MTUS1: variants seen among roughly 807,000 people sequenced by gnomAD.
The protein encoded by MTUS1 is microtubule-associated tumor suppressor 1.
In MTUS1, 109 loss-of-function variants were observed where a neutral mutation model predicts 120.8. That is an observed-to-expected ratio of 0.90 (90% CI 0.77 to 1.06). The LOEUF is 1.06. MTUS1 is among the 50% of genes least tolerant of loss of function. The pLI is 0.00. For missense variants in MTUS1, 2,210 were observed against 1,486.3 expected (o/e 1.49, Z -8.01); for synonymous variants, 737 against 550.5 (o/e 1.34, Z -4.74).
chr8:17,791,483 C>G (rs1482563848), intron 1 of MTUS1, among the ~76,000 whole-genome samples: 1 of 152,164 alleles, frequency 6.6e-6, no homozygotes, highest in Non-Finnish European at 1.5e-5. Context: ...AAGATTAGTT[C>G]AAAGTGATGA....
In MTUS1 at chr8:17,684,435, T is replaced by G. The variant is rs185762413; in HGVS notation, c.2731A>C (p.Lys911Gln). Reference sequence around the variant, plus strand: ...ATAAATCCACTTTGGTTTTCACATTTTGTTTTATATTGCGTCAATTCAAGT... The same window carrying G: ...ATAAATCCACTTTGGTTTTCACATTGTGTTTTATATTGCGTCAATTCAAGT... ...KTLELTQYKT[K>Q]CENQSGFILQ... Residue 911 changes from lysine to glutamine, a missense_variant, in exon 7 of 15, where the codon AAA becomes CAA. Physicochemically the swap from Lys to Gln is moderately conservative, Grantham distance 53. Coordinates refer to ENST00000693296, the MANE Select transcript of MTUS1 (RefSeq NM_001363059.2). 295 of 1,614,200 alleles carry G rather than the reference T, an allele frequency of 1.8e-4. No homozygotes were observed. The African/African-American group carries it at 3.6e-3, about 20-fold the overall frequency.
intron 8 of MTUS1, among the ~76,000 whole-genome samples, chr8:17,662,976 A>G (rs1020937312): frequency 6.6e-6 from 1 of 152,112 alleles, no homozygotes; most frequent in Non-Finnish European, 1.5e-5. Context: ...AGAAGTCAGT[A>G]TTTTCACTCT....
At chr8:17,697,806 TAAC>T (rs1818279095) in intron 6 of MTUS1, 1 of 817,672 alleles carries the variant, frequency 1.2e-6, no homozygotes. Flanking sequence ...TAGGGGAAAT[TAAC>T]TACTTCAAGT....
Position 17,789,405 on chromosome 8 carries a change from G to A in MTUS1, c.-155+11656C>T, listed in dbSNP as rs76375728. On this transcript the variant is annotated intron_variant, in intron 1 of 14. Transcript: ENST00000693296. ...AGGTAGCTCAGACTGTTTGAGGGAC[G>A]TGGGGGTAGATCGCGTGGGCAGGGC... Among the ~76,000 whole-genome samples, 446 of 152,268 alleles carry A rather than the reference G, an allele frequency of 2.9e-3. 2 individuals are homozygous for A. The highest frequency in any genetic ancestry group is 0.01 in the African/African-American group (423 of 41,548).
chr8:17,654,484 G>A (rs1355808435), intron 10 of MTUS1, 77 bp downstream of exon 10: 2 of 1,044,078 alleles, frequency 1.9e-6, no homozygotes, highest in Non-Finnish European at 2.9e-6. Context: ...AGGAAGTTAT[G>A]AATCATTTCC....
chr8:17,733,172 G>A (rs779988806), intron 3 of MTUS1, among the ~76,000 whole-genome samples: 8 of 152,124 alleles, frequency 5.3e-5, no homozygotes, highest in Non-Finnish European at 8.8e-5. Flanking sequence ...ACAACATGGT[G>A]AAACCCTGTC....
intron 6 of MTUS1, 99 bp downstream of exon 6, chr8:17,713,115 A>C: frequency 2.0e-6 from 2 of 975,784 alleles, no homozygotes; most frequent in South Asian, 2.9e-5. Flanking sequence ...TGGAAATTCT[A>C]CTTATAAGCA....
At chr8:17,690,395 C>T (rs1816716630) in intron 6 of MTUS1, among the ~76,000 whole-genome samples, 1 of 152,092 alleles carries the variant, frequency 6.6e-6, no homozygotes, top group South Asian at 2.1e-4. Context: ...CAGATGTTGG[C>T]AAAGATGTGG....
chr8:17,741,823 G>T (rs2047339493), intron 3 of MTUS1, among the ~76,000 whole-genome samples: 1 of 152,124 alleles, frequency 6.6e-6, no homozygotes, highest in Admixed American at 6.6e-5. Flanking sequence ...TCCCTAGAAA[G>T]GTAAGGGCTG....
chr8:17,712,209 G>A (rs553436402), intron 6 of MTUS1, among the ~76,000 whole-genome samples: 16 of 152,260 alleles, frequency 1.1e-4, no homozygotes, highest in African/African-American at 2.2e-4. Context: ...TTGTACCTTC[G>A]TTTCTTCTGA....
intron 3 of MTUS1, among the ~76,000 whole-genome samples, chr8:17,728,278 A>AT (rs1163103917): frequency 3.9e-5 from 6 of 151,994 alleles, no homozygotes; most frequent in Non-Finnish European, 8.8e-5. Context: ...CACCCGGCTA[A>AT]TTTTTTTGTA....
intron 3 of MTUS1, among the ~76,000 whole-genome samples, chr8:17,725,545 G>C (rs904558836): frequency 6.6e-6 from 1 of 152,078 alleles, no homozygotes; most frequent in African/African-American, 2.4e-5. Flanking sequence ...TCCACCCTTT[G>C]AATCCTTATT....
In MTUS1 at chr8:17,721,973, T is replaced by C. The variant is rs2045880285; in HGVS notation, c.2449+1699A>G. 5 of 1,461,684 alleles carry C rather than the reference T, an allele frequency of 3.4e-6. No homozygotes were observed. The East Asian group carries it at 9.5e-5, about 28-fold the overall frequency. 90.5% of individuals were successfully genotyped at this position (1,461,684 alleles called of 1,614,324 possible). ...TCACTCTCATATCCCTCATGCTTGCTCTTAGTGAATTCGAATGGAGGGAAA... is the reference window on the plus strand; with the variant it reads ...TCACTCTCATATCCCTCATGCTTGCCCTTAGTGAATTCGAATGGAGGGAAA... On this transcript the variant is annotated intron_variant, in intron 4 of 14. Coordinates refer to ENST00000693296, the MANE Select transcript of MTUS1 (RefSeq NM_001363059.2).
intron 4 of MTUS1, chr8:17,723,364 CT>C (rs1441162192): frequency 5.2e-6 from 2 of 382,570 alleles, no homozygotes; most frequent in Non-Finnish European, 9.8e-6. Context: ...CTGAAATAAT[CT>C]TTTTTTCTGA....
At chr8:17,671,997 C>T (rs957892823) in intron 8 of MTUS1, among the ~76,000 whole-genome samples, 1 of 152,136 alleles carries the variant, frequency 6.6e-6, no homozygotes, top group African/African-American at 2.4e-5. Flanking sequence ...AAACCATACT[C>T]AAAGAAGTTA....
chr8:17,696,149 C>T (rs1169753454), intron 6 of MTUS1, among the ~76,000 whole-genome samples: 1 of 152,152 alleles, frequency 6.6e-6, no homozygotes, highest in African/African-American at 2.4e-5. Context: ...AGGGCCACTG[C>T]TGACCTCCTC....
chr8:17,697,173 C>T (rs1818133595), intron 6 of MTUS1: 2 of 1,470,774 alleles, frequency 1.4e-6, no homozygotes, highest in Non-Finnish European at 1.8e-6. Context: ...TATCTGTCTC[C>T]TTGGAAAAAC....
At chr8:17,669,000 T>TA (rs1324957414) in intron 8 of MTUS1, among the ~76,000 whole-genome samples, 1 of 152,240 alleles carries the variant, frequency 6.6e-6, no homozygotes, top group East Asian at 1.9e-4. Flanking sequence ...CTGTTGGTAA[T>TA]AAAATCATTC....
chr8:17,696,722 A>C (rs891115055), intron 6 of MTUS1, among the ~76,000 whole-genome samples: 3 of 152,236 alleles, frequency 2.0e-5, no homozygotes, highest in Admixed American at 1.3e-4. Flanking sequence ...TATTATGAAG[A>C]TTGGAAAACT....
Sources: gnomAD v4.1 joint callset for allele counts (sites outside exome capture counted in the v4.1 genomes callset) on GRCh38, gnomAD v4.1.1 for gene constraint, MANE v1.5 for transcripts, NCBI Gene and HGNC (gene_info 2026-07-23, HGNC 2026-07-21) for gene names.